Variants in FCRL5 observed in about 807,000 individuals in gnomAD.
The protein encoded by FCRL5 is Fc receptor-like protein 5.
FCRL5 carries 79 observed loss-of-function variants against 92.1 expected under a neutral mutation model. The observed-to-expected ratio is 0.86, with a 90% CI of 0.72 to 1.03. The LOEUF (loss-of-function observed/expected upper bound fraction) is 1.03. Among genes scored for constraint, FCRL5 ranks in the 50% least tolerant of loss-of-function variants. The pLI, the probability that FCRL5 is intolerant of heterozygous loss-of-function variation, is 0.00. For missense variants in FCRL5, 1,160 were observed against 1,181.1 expected (o/e 0.98, Z 0.26); for synonymous variants, 466 against 469.3 (o/e 0.99, Z 0.09).
At chr1:157,550,273 A>C (rs1470549351) in intron 1 of FCRL5, among the ~76,000 whole-genome samples, 2 of 152,172 alleles carry the variant, frequency 1.3e-5, no homozygotes, top group East Asian at 3.8e-4. Flanking sequence ...GAGGAGATTG[A>C]CAAGGTTAGA....
chr1:157,551,196 C>A (rs1206760418), intron 1 of FCRL5, among the ~76,000 whole-genome samples: 2 of 152,156 alleles, frequency 1.3e-5, no homozygotes, highest in Non-Finnish European at 2.9e-5. Context: ...AATCTGGTAG[C>A]CAGTAGGTGG....
intron 6 of FCRL5, 91 bp downstream of exon 6, chr1:157,542,768 G>A (rs920705001): frequency 3.5e-6 from 5 of 1,418,510 alleles, no homozygotes; most frequent in Non-Finnish European, 9.6e-7. Context: ...AGAAACTGAG[G>A]ATACTGGAAG....
intron 8 of FCRL5, chr1:157,528,776 G>A (rs973346394): frequency 1.8e-4 from 28 of 152,192 alleles, no homozygotes; most frequent in Admixed American, 2.6e-4. Flanking sequence ...GAATGAAACT[G>A]GATCCTCATC....
intron 15 of FCRL5, among the ~76,000 whole-genome samples, chr1:157,517,133 G>A (rs568146173): frequency 3.3e-5 from 5 of 152,344 alleles, no homozygotes; most frequent in South Asian, 4.1e-4. Context: ...TTCCTGCTCC[G>A]AGTAAGGAGG....
Position 157,552,203 on chromosome 1 carries a change from A to G in FCRL5, c.31+129T>C, listed in dbSNP as rs1343880181. 3.3e-6 allele frequency: 3 copies of G among 905,994 alleles called. 1 individual carries two copies. The South Asian group carries it at 4.6e-5, about 14-fold the overall frequency. The allele number at this position is 905,994 out of a possible 1,614,324, so 56.1% of individuals were successfully genotyped here. A position where few individuals can be genotyped will look rare whatever the true frequency, so the allele number is the denominator to read the frequency against. On this transcript the variant is annotated intron_variant, in intron 1 of 16. Transcript: ENST00000361835. ...CCCTGAGCTACAGAGTAAAGTTCAA[A>G]AATACAGTCTCCTAATGTAGGAGAG...
At chr1:157,550,162 G>T (rs967218179) in intron 1 of FCRL5, among the ~76,000 whole-genome samples, 2 of 152,150 alleles carry the variant, frequency 1.3e-5, no homozygotes, top group Non-Finnish European at 2.9e-5. Flanking sequence ...CTCAGGAACT[G>T]GGAGTGTTGG....
intron 15 of FCRL5, among the ~76,000 whole-genome samples, chr1:157,518,153 T>C (rs568616076): frequency 2.0e-4 from 31 of 152,256 alleles, no homozygotes; most frequent in South Asian, 4.1e-4. Context: ...AGTTTATGGA[T>C]AGGGATATGG....
chr1:157,536,054 G>GCAT (rs903193897), intron 7 of FCRL5, among the ~76,000 whole-genome samples: 2 of 145,470 alleles, frequency 1.4e-5, no homozygotes, highest in Non-Finnish European at 3.0e-5. Flanking sequence ...CAATTCTCCT[G>GCAT]CATCAGCCTC....
rs776521444 is a variant in FCRL5, at chr1:157,539,316, A to T, written c.1172T>A (p.Ile391Asn). ...AAGTGTCACCTTGGCTCCCTCAAAA[A>T]TCAGGTCCTCAGGAGAGCTGAGGTT... is the stretch of plus-strand genomic sequence containing the variant. ...VLNLSSPEDL[I>N]FEGAKVTLHC... Residue 391 changes from isoleucine (I) to asparagine (N), a missense_variant, in exon 7 of 17, where the codon ATT (isoleucine) becomes AAT (asparagine). Coordinates refer to ENST00000361835, the MANE Select transcript of FCRL5 (RefSeq NM_031281.3). The T allele has an allele frequency of 6.2e-7, 1 of 1,614,148 alleles. No homozygotes were observed. The highest frequency in any genetic ancestry group is 8.5e-7 in the Non-Finnish European group (1 of 1,180,004).
rs1434454527 is a variant in FCRL5, at chr1:157,527,760, G to A, written c.1817C>T (p.Thr606Ile). The A allele has an allele frequency of 1.9e-6, 3 of 1,614,182 alleles. No individual in the cohort carries two copies. The highest frequency in any genetic ancestry group is 1.1e-5 in the South Asian group (1 of 91,074). Reference protein sequence around the residue: ...ILYWFYHEDVTLGSSSAPSGG... With the variant: ...ILYWFYHEDVILGSSSAPSGG... ...AGAGGGGGCTGAGCTGCTCCCCAGG[G>A]TGACATCCTCATGATAAAACCAGTA... The change falls in exon 9 of 17, where the codon ACC (threonine) becomes ATC (isoleucine). Residue 606 changes from threonine (T) to isoleucine (I), a missense_variant. Transcript: ENST00000361835.
chr1:157,546,708 A>G (rs546360903), intron 3 of FCRL5, among the ~76,000 whole-genome samples: 1 of 152,344 alleles, frequency 6.6e-6, no homozygotes, highest in South Asian at 2.1e-4. Context: ...CCACAGGTTT[A>G]GAGACATTAA....
In FCRL5 at chr1:157,534,645, C is replaced by T; in HGVS notation, c.1650G>A (p.Gln550=). 6.2e-7 allele frequency: 1 copy of T among 1,614,192 alleles called. No individual in the cohort carries two copies. The highest frequency in any genetic ancestry group is 8.5e-7 in the Non-Finnish European group (1 of 1,180,048). Reference sequence around the variant, plus strand: ...CAAAAAGGCTCACCACTTCACTGCGCTGGGGACCAAAGCCATTGTCAGCTG... The same window carrying T: ...CAAAAAGGCTCACCACTTCACTGCGTTGGGGACCAAAGCCATTGTCAGCTG... The part of the protein sequence containing the change: ...YCTADNGFGP[Q]RSEVVSLFVT... Residue 550 remains glutamine (Q), a synonymous_variant, in exon 8 of 17, where the codon CAG becomes CAA. Coordinates refer to ENST00000361835, the MANE Select transcript of FCRL5 (RefSeq NM_031281.3).
Position 157,534,621 on chromosome 1 carries a change from A to G in FCRL5, c.1674T>C (p.Phe558=), listed in dbSNP as rs759230204. ...CAAGAACCCAGCACTTACCAGTGAC[A>G]AAAAGGCTCACCACTTCACTGCGCT... is the stretch of plus-strand genomic sequence containing the variant. The part of the protein sequence containing the change: ...GPQRSEVVSL[F]VTVPVSRPIL... The change falls in exon 8 of 17, where the codon TTT becomes TTC. Residue 558 remains phenylalanine (F), a synonymous_variant. Coordinates refer to ENST00000361835, the MANE Select transcript of FCRL5 (RefSeq NM_031281.3). 2 of 1,614,168 alleles carry G rather than the reference A, an allele frequency of 1.2e-6. No individual in the cohort carries two copies. The highest frequency in any genetic ancestry group is 3.3e-5 in the Admixed American group (2 of 60,016).
At chr1:157,543,966 C>T (rs1349725751) in intron 5 of FCRL5, among the ~76,000 whole-genome samples, 2 of 146,688 alleles carry the variant, frequency 1.4e-5, no homozygotes, top group African/African-American at 5.1e-5. Flanking sequence ...TGGCTTATCC[C>T]TATGGGCCTA....
chr1:157,516,911 G>T (rs377383085), intron 15 of FCRL5, among the ~76,000 whole-genome samples: 2 of 152,190 alleles, frequency 1.3e-5, no homozygotes. Flanking sequence ...TAGTAACAGC[G>T]CATACCTCAA....
chr1:157,517,849 A>G (rs575917240), intron 15 of FCRL5, among the ~76,000 whole-genome samples: 111 of 152,262 alleles, frequency 7.3e-4, no homozygotes, highest in East Asian at 3.9e-4. Context: ...CCCCAATGTG[A>G]TGGCATTTGG....
Position 157,521,052 on chromosome 1 carries a change from G to GC in FCRL5, c.2479dup (p.Ala827GlyfsTer5), listed in dbSNP as rs770580193. 6.2e-7 allele frequency: 1 copy of GC among 1,613,608 alleles called. No individual in the cohort carries two copies. Among genetic ancestry groups the GC allele is most frequent in the East Asian group, 2.2e-5 (1 of 44,880 alleles). Reference sequence around the variant, plus strand: ...AAGTGTCACTGTCTCACTGCGCTGGGCCCCGAGGCCATTGTCGGCCTCACA... The same window carrying GC: ...AAGTGTCACTGTCTCACTGCGCTGGGCCCCCGAGGCCATTGTCGGCCTCACA... On this transcript the variant is annotated frameshift_variant, in exon 11 of 17. Transcript: ENST00000361835. LOFTEE classifies it high-confidence loss of function.
At position 157,527,625 on chromosome 1, in the gene FCRL5, C is replaced by G. The variant is rs750656356; in HGVS notation, c.1952G>C (p.Ser651Thr). 6.2e-7 allele frequency: 1 copy of G among 1,604,490 alleles called. No homozygotes were observed. The change falls in exon 9 of 17, where the codon AGT (serine) becomes ACT (threonine). Residue 651 changes from serine (S) to threonine (T), a missense_variant. By Grantham distance (58) the Ser-to-Thr change is moderately conservative. Transcript: ENST00000361835. Reference protein sequence around the residue: ...VAQHSDTISLSVIVPVSRPIL... With the variant: ...VAQHSDTISLTVIVPVSRPIL... The stretch of plus-strand genomic sequence containing the variant: ...TGGTTAGGTCAACTTACCTATAACA[C>G]TGAGTGATATTGTGTCACTGTGCTG...
At chr1:157,532,367 G>A (rs1184507774) in intron 8 of FCRL5, 1 of 152,074 alleles carries the variant, frequency 6.6e-6, no homozygotes, top group African/African-American at 2.4e-5. Flanking sequence ...AGTAACTGTT[G>A]ACAAAGTATT....
Sources: allele counts gnomAD v4.1 joint callset (sites outside exome capture counted in the v4.1 genomes callset), GRCh38; gene constraint gnomAD v4.1.1; transcripts MANE v1.5; gene names NCBI Gene and HGNC (gene_info 2026-07-23, HGNC 2026-07-21).